The following LUZP4 variants were observed in gnomAD, a reference collection of about 807,000 sequenced individuals.
The protein encoded by LUZP4 is HOM-TES-85 tumor antigen.
A neutral mutation model predicts 8.5 loss-of-function variants in LUZP4; 11 were observed. That is an observed-to-expected ratio of 1.30 (90% confidence interval 0.82 to 2.14). The LOEUF is 2.14. LUZP4 is among the 30% of genes most tolerant of loss of function. LUZP4 has a pLI of 0.00. For missense variants in LUZP4, 276 were observed against 229.7 expected, an observed-to-expected ratio of 1.20 and a Z score of -1.30; for synonymous variants, 104 against 79.4, an observed-to-expected ratio of 1.31 and a Z score of -1.65.
intron 1 of LUZP4, among the ~76,000 whole-genome samples, chrX:115,299,527 T>C (rs782632694): frequency 4.5e-5 from 5 of 111,207 alleles, no homozygotes; most frequent in African/African-American, 1.6e-4. Context: ...TTCCCACTCT[T>C]CCCTTCCCTT....
At position 115,306,915 on chromosome X, in the gene LUZP4, T is replaced by C. The variant is rs2073426208; in HGVS notation, c.*111T>C. ...GTATATTGGGACAAAGACATAAATA[T>C]TAGAATGGAGGTAATACATACATAG... On this transcript the variant is annotated 3_prime_UTR_variant, in exon 4 of 4. Transcript: ENST00000371920. 1 of 717,873 alleles carries C rather than the reference T, an allele frequency of 1.4e-6. No homozygotes were observed. The highest frequency in any genetic ancestry group is 2.1e-6 in the Non-Finnish European group (1 of 478,752). 59.2% of individuals were successfully genotyped at this position (717,873 alleles called of 1,213,427 possible).
rs1569520622 is a variant in LUZP4 at position 115,306,634 on chromosome X, GATCTC to G, written c.775_779del (p.Leu259SerfsTer24). 1 of 1,210,620 alleles carries G rather than the reference GATCTC, an allele frequency of 8.3e-7. No homozygotes were observed. Among genetic ancestry groups the G allele is most frequent in the African/African-American group, 1.7e-5 (1 of 57,527 alleles). On this transcript the variant is annotated frameshift_variant, in exon 4 of 4. Transcript: ENST00000371920. LOFTEE classifies it low-confidence loss of function (END_TRUNC). ...GAGAGATCTCATAGCCACTCAGAAA[GATCTC>G]ATAGCCACTCAGAGAGATCTCATAG...
chrX:115,307,351 C>T lies in LUZP4; in HGVS notation c.*547C>T, dbSNP rs781862369. The T allele has an allele frequency of 1.7e-5, 2 of 119,236 alleles. No individual in the cohort carries two copies. The allele number at this position is 119,236 out of a possible 1,213,427, so 9.8% of individuals were successfully genotyped here. A position where few individuals can be genotyped will look rare whatever the true frequency, so the allele number is the denominator to read the frequency against. ...ATCAGACCATATGAGAGGATATATT[C>T]TATGCATAGATGTAATGCTAACCTT... On this transcript the variant is annotated 3_prime_UTR_variant, in exon 4 of 4. Coordinates refer to ENST00000371920, the MANE Select transcript of LUZP4 (RefSeq NM_016383.5).
chrX:115,305,494 T>C (rs2073416181), intron 3 of LUZP4, among the ~76,000 whole-genome samples: 1 of 112,234 alleles, frequency 8.9e-6, no homozygotes, highest in Non-Finnish European at 1.9e-5. Context: ...CATATACTAG[T>C]AGAAAGCTTG....
At position 115,306,706 on chromosome X, in the gene LUZP4, GC is replaced by G. The variant is rs1556604455; in HGVS notation, c.846del (p.Thr283LeufsTer6). On this transcript the variant is annotated frameshift_variant, in exon 4 of 4. Transcript: ENST00000371920. LOFTEE classifies it low-confidence loss of function (END_TRUNC). ...DLIVTQRDLVATERDLINQSG... is the reference protein window; with the variant it reads ...DLIVTQRDLVXTERDLINQSG... ...CATAGTCACTCAGAGAGATCTCGTG[GC>G]CACTGAGAGAGATCTCATAAATCAG... The G allele has an allele frequency of 8.3e-7, 1 of 1,211,253 alleles. No homozygotes were observed. The highest frequency in any genetic ancestry group is 1.1e-6 in the Non-Finnish European group (1 of 895,448).
chrX:115,306,838 A>G lies in LUZP4; in HGVS notation c.*34A>G. The stretch of plus-strand genomic sequence containing the variant: ...ACAATGTGTTGAATTCTGTGGAAAT[A>G]GAAAAGCATATATCTATATTCTAAT... On this transcript the variant is annotated 3_prime_UTR_variant, in exon 4 of 4. Coordinates refer to ENST00000371920, the MANE Select transcript of LUZP4 (RefSeq NM_016383.5). 9.7e-6 allele frequency: 11 copies of G among 1,139,227 alleles called. No individual in the cohort carries two copies. Among genetic ancestry groups the G allele is most frequent in the Non-Finnish European group, 1.3e-5 (11 of 834,160 alleles). 93.9% of individuals were successfully genotyped at this position (1,139,227 alleles called of 1,213,427 possible). A position where few individuals can be genotyped will look rare whatever the true frequency, so the allele number is the denominator to read the frequency against.
intron 1 of LUZP4, among the ~76,000 whole-genome samples, chrX:115,292,027 A>G (rs2073351176): frequency 8.9e-6 from 1 of 112,021 alleles, no homozygotes; most frequent in Non-Finnish European, 1.9e-5. Context: ...CTCAAGTGAT[A>G]CACCCACCTC....
At chrX:115,302,892 T>G (rs1195622698) in intron 2 of LUZP4, among the ~76,000 whole-genome samples, 1 of 112,393 alleles carries the variant, frequency 8.9e-6, no homozygotes, top group Non-Finnish European at 1.9e-5. Flanking sequence ...GGAGATATTC[T>G]TTGATGGGTT....
At chrX:115,299,464 G>A (rs2147403020) in intron 1 of LUZP4, among the ~76,000 whole-genome samples, 1 of 111,404 alleles carries the variant, frequency 9.0e-6, no homozygotes, top group East Asian at 2.8e-4. Flanking sequence ...AAGTCTACCT[G>A]GTGTTCTATT....
At chrX:115,305,066 A>G (rs2073414315) in intron 3 of LUZP4, among the ~76,000 whole-genome samples, 1 of 112,010 alleles carries the variant, frequency 8.9e-6, no homozygotes, top group South Asian at 3.7e-4. Context: ...TAGGAAATAC[A>G]TAGTACATTT....
chrX:115,295,676 G>T (rs1303484538), intron 1 of LUZP4, among the ~76,000 whole-genome samples: 1 of 109,610 alleles, frequency 9.1e-6, no homozygotes, highest in Non-Finnish European at 1.9e-5. Context: ...TACCCAAAAA[G>T]TATTAGAGTC....
At chrX:115,297,957 G>T (rs782392166) in intron 1 of LUZP4, among the ~76,000 whole-genome samples, 29 of 109,071 alleles carry the variant, frequency 2.7e-4, no homozygotes, top group Non-Finnish European at 5.3e-4. Flanking sequence ...GGGATTACAG[G>T]TACATGCCAC....
Position 115,297,155 on chromosome X carries a change from C to A in LUZP4, c.92-4837C>A, listed in dbSNP as rs192407711. Among the ~76,000 whole-genome samples, 313 of 111,728 alleles carry A rather than the reference C, an allele frequency of 2.8e-3. 1 individual carries two copies. The highest frequency in any genetic ancestry group is 9.6e-3 in the African/African-American group (297 of 30,800). ...ATAGTTATTATTGACTATAGTCACC[C>A]TGTTGTGCTATCAAATAGTAGGTCT... On this transcript the variant is annotated intron_variant, in intron 1 of 3. Coordinates refer to ENST00000371920, the MANE Select transcript of LUZP4 (RefSeq NM_016383.5).
At chrX:115,293,209 T>A (rs1301274599) in intron 1 of LUZP4, among the ~76,000 whole-genome samples, 1 of 111,576 alleles carries the variant, frequency 9.0e-6, no homozygotes, top group African/African-American at 3.3e-5. Context: ...AATAAAGTTT[T>A]CTTGACCTAA....
At chrX:115,290,877 G>T (rs1445594739) in intron 1 of LUZP4, among the ~76,000 whole-genome samples, 1 of 111,606 alleles carries the variant, frequency 9.0e-6, no homozygotes, top group East Asian at 2.8e-4. Flanking sequence ...CCGCCCCCTG[G>T]GGTCAAGCGA....
At position 115,306,234 on chromosome X, in the gene LUZP4, A is replaced by G; in HGVS notation, c.372A>G (p.Gln124=). 8.3e-7 allele frequency: 1 copy of G among 1,210,341 alleles called. No individual in the cohort carries two copies. Among genetic ancestry groups the G allele is most frequent in the Non-Finnish European group, 1.1e-6 (1 of 894,528 alleles). Residue 124 remains glutamine (Q), a synonymous_variant, in exon 4 of 4, where the codon CAA becomes CAG. Transcript: ENST00000371920. ...QEKCSDNYEA[Q]AEKNQGQSEG... is the part of the protein sequence containing the mutation. ...AGTGCAGTGACAATTATGAGGCCCA[A>G]GCAGAGAAGAATCAAGGCCAGTCAG...
At chrX:115,306,055 G>C (rs2073418679) in intron 3 of LUZP4, 150 bp from the exon 4 acceptor site, 1 of 549,959 alleles carries the variant, frequency 1.8e-6, no homozygotes, top group Non-Finnish European at 2.9e-6. Flanking sequence ...CTGTAAGTTA[G>C]TTCTAAAAAC....
intron 3 of LUZP4, among the ~76,000 whole-genome samples, chrX:115,303,809 T>C (rs1288326890): frequency 8.9e-6 from 1 of 111,931 alleles, no homozygotes; most frequent in Non-Finnish European, 1.9e-5. Context: ...ATATCAGATA[T>C]GAAATATACT....
chrX:115,293,809 G>C (rs1437471539), intron 1 of LUZP4, among the ~76,000 whole-genome samples: 1 of 109,149 alleles, frequency 9.2e-6, no homozygotes, highest in Non-Finnish European at 1.9e-5. Flanking sequence ...AAATTAGCCG[G>C]GCGTGGAGGC....
Sources: allele counts gnomAD v4.1 joint callset (sites outside exome capture counted in the v4.1 genomes callset), GRCh38; gene constraint gnomAD v4.1.1; transcripts MANE v1.5; gene names NCBI Gene and HGNC (gene_info 2026-07-23, HGNC 2026-07-21).